The following ACOT1 variants were observed in gnomAD, a reference collection of about 807,000 sequenced individuals.
The protein encoded by ACOT1 is acyl-CoA thioesterase 1.
In ACOT1, 8 loss-of-function variants were observed where a neutral mutation model predicts 15.7. The observed-to-expected ratio is 0.51, with a 90% CI of 0.30 to 0.92. ACOT1 has a LOEUF of 0.92. ACOT1 is among the 40% of genes least tolerant of loss of function. The pLI, the probability that ACOT1 is intolerant of heterozygous loss-of-function variation, is 0.06. For synonymous variants in ACOT1, 67 were observed against 241.2 expected (o/e 0.28, Z 6.69); for missense variants, 151 against 539.4 (o/e 0.28, Z 7.13).
upstream of ACOT1, among the ~76,000 whole-genome samples, chr14:73,534,365 C>G (rs1888796847): frequency 1.0e-5 from 1 of 99,546 alleles, no homozygotes; most frequent in Non-Finnish European, 2.1e-5. Flanking sequence ...GGCGACAGAG[C>G]AAGACTCTGT....
At chr14:73,496,481 G>C in the ACOT1 span, 2 of 647,720 alleles carry the variant, frequency 3.1e-6, no homozygotes, top group Admixed American at 2.8e-5. Flanking sequence ...TGTGTCTGGG[G>C]TTTTAGAAAG....
At chr14:73,506,008 A>G in the ACOT1 span, among the ~76,000 whole-genome samples, 7 of 149,026 alleles carry the variant, frequency 4.7e-5, no homozygotes, top group African/African-American at 1.7e-4. Flanking sequence ...CTCCTGCCTC[A>G]GCCTCCCAAG....
At chr14:73,527,149 T>G in the ACOT1 span, 1 of 152,150 alleles carries the variant, frequency 6.6e-6, no homozygotes, top group Admixed American at 6.5e-5. Flanking sequence ...CTTAATCCCC[T>G]TTGAATATAT....
the ACOT1 span, among the ~76,000 whole-genome samples, chr14:73,506,804 G>GTTTTTTGTTTT: frequency 2.5e-5 from 2 of 80,522 alleles, no homozygotes; most frequent in African/African-American, 9.8e-5. Flanking sequence ...GACTTTAACT[G>GTTTTTTGTTTT]TTTTTTTTTT....
intron 1 of ACOT1, among the ~76,000 whole-genome samples, chr14:73,539,017 A>G (rs1249294092): frequency 1.7e-5 from 2 of 116,042 alleles, no homozygotes; most frequent in African/African-American, 5.6e-5. Context: ...AAAATTTTCA[A>G]GTAGTTTCAA....
chr14:73,492,952 T>C, the ACOT1 span: 1 of 1,611,256 alleles, frequency 6.2e-7, no homozygotes, highest in Non-Finnish European at 8.5e-7. The surrounding 1 kb of genome is among the most constrained non-coding windows in gnomAD (Gnocchi z 4.9). Context: ...AGTTTCTTGT[T>C]GATTGCTGGA....
chr14:73,492,555 T>A, the ACOT1 span: 1 of 1,613,814 alleles, frequency 6.2e-7, no homozygotes, highest in Non-Finnish European at 8.5e-7. This position sits in a 1 kb window ranked among gnomAD's most constrained non-coding sequence, Gnocchi z 4.9. Context: ...CTGCCCCCTG[T>A]TTTGACTGAT....
chr14:73,514,121 T>C, the ACOT1 span: 1 of 1,613,808 alleles, frequency 6.2e-7, no homozygotes, highest in Non-Finnish European at 8.5e-7. Flanking sequence ...TTTGCCTGCT[T>C]CTTCAATCTC....
At chr14:73,492,999 C>CTTTTTTTTTTTTTT in the ACOT1 span, 1 of 1,460,246 alleles carries the variant, frequency 6.8e-7, no homozygotes, top group Non-Finnish European at 9.1e-7. The surrounding 1 kb of genome is among the most constrained non-coding windows in gnomAD (Gnocchi z 4.9). Context: ...CCACTGCTAC[C>CTTTTTTTTTTTTTT]TTTTTTTTTT....
At chr14:73,510,174 T>C in the ACOT1 span, among the ~76,000 whole-genome samples, 1 of 151,964 alleles carries the variant, frequency 6.6e-6, no homozygotes, top group Non-Finnish European at 1.5e-5. Context: ...CCTTTATATT[T>C]GTAAGAACAA....
upstream of ACOT1, among the ~76,000 whole-genome samples, chr14:73,532,734 C>G (rs943562885): frequency 4.4e-5 from 5 of 114,830 alleles, 1 homozygote; most frequent in African/African-American, 1.4e-4. Flanking sequence ...GTGGGCAGAT[C>G]ACAAGGTCAG....
At chr14:73,529,429 C>G in the ACOT1 span, among the ~76,000 whole-genome samples, 1 of 151,552 alleles carries the variant, frequency 6.6e-6, no homozygotes, top group Non-Finnish European at 1.5e-5. Context: ...GAGCAACCCA[C>G]CAGCATTATC....
the ACOT1 span, among the ~76,000 whole-genome samples, chr14:73,517,953 G>A: frequency 6.6e-6 from 1 of 151,668 alleles, no homozygotes; most frequent in Non-Finnish European, 1.5e-5. Flanking sequence ...GGGTGTGGTG[G>A]CGCGCACCTG....
chr14:73,506,804 G>GTTTTTTTTTTTTTTGTTTTTTTTTT, the ACOT1 span, among the ~76,000 whole-genome samples: 2 of 80,522 alleles, frequency 2.5e-5, no homozygotes, highest in Non-Finnish European at 4.5e-5. Flanking sequence ...GACTTTAACT[G>GTTTTTTTTTTTTTTGTTTTTTTTTT]TTTTTTTTTT....
chr14:73,523,591 G>A, the ACOT1 span, among the ~76,000 whole-genome samples: 55 of 152,246 alleles, frequency 3.6e-4, no homozygotes, highest in African/African-American at 1.3e-3. Context: ...CATGAGTTTG[G>A]CCTCAGTTTA....
chr14:73,533,634 G>A (rs1160885285), upstream of ACOT1, among the ~76,000 whole-genome samples: 4 of 114,588 alleles, frequency 3.5e-5, no homozygotes, highest in Admixed American at 3.0e-4. Context: ...AGCTGAGACC[G>A]CGCCACTGCA....
chr14:73,502,591 A>T, the ACOT1 span, among the ~76,000 whole-genome samples: 1 of 151,788 alleles, frequency 6.6e-6, no homozygotes, highest in Non-Finnish European at 1.5e-5. Context: ...CTCTGTTGCC[A>T]GGCTGGAGTG....
chr14:73,527,554 G>A, the ACOT1 span, among the ~76,000 whole-genome samples: 1 of 151,352 alleles, frequency 6.6e-6, no homozygotes, highest in Non-Finnish European at 1.5e-5. Context: ...CTTCGCAAAA[G>A]AAAAAAAATC....
chr14:73,506,374 GA>G, the ACOT1 span: 2 of 811,798 alleles, frequency 2.5e-6, no homozygotes, highest in Non-Finnish European at 4.2e-6. Context: ...TGTTTGGTAA[GA>G]ATGGAATAAT....
Sources: allele counts gnomAD v4.1 joint callset (sites outside exome capture counted in the v4.1 genomes callset), GRCh38; gene constraint gnomAD v4.1.1; non-coding constraint Gnocchi (gnomAD v3.1); transcripts MANE v1.5; gene names NCBI Gene and HGNC (gene_info 2026-07-23, HGNC 2026-07-21).